The following PALM2AKAP2 variants were observed in gnomAD, a reference collection of about 807,000 sequenced individuals.
PALM2AKAP2 encodes PALM2-AKAP2 fusion protein.
In PALM2AKAP2, 37 loss-of-function variants were observed where a neutral mutation model predicts 71.5. The ratio of observed to expected loss-of-function variants is 0.52; its 90% CI spans 0.40 to 0.68. The LOEUF is 0.68. Among genes scored for constraint, PALM2AKAP2 ranks in the 30% least tolerant of loss-of-function variants. The probability of loss-of-function intolerance (pLI) is 0.00; values close to 1 mark genes in which losing one functional copy is unlikely to be tolerated. For synonymous variants in PALM2AKAP2, 468 were observed against 478.8 expected (o/e 0.98, Z 0.29); for missense variants, 1,224 against 1,191.8 (o/e 1.03, Z -0.40).
At chr9:110,098,400 A>G (rs1488410550) in intron 1 of PALM2AKAP2, among the ~76,000 whole-genome samples, 2 of 152,228 alleles carry the variant, frequency 1.3e-5, no homozygotes, top group African/African-American at 4.8e-5. Flanking sequence ...TTATTCAACA[A>G]AAACTACATA....
chr9:109,786,672 A>G (rs80103698), intron 1 of PALM2AKAP2, among the ~76,000 whole-genome samples: 2,365 of 152,328 alleles, frequency 0.016, 66 homozygotes, highest in African/African-American at 0.054. Context: ...CCCAGCATGC[A>G]TAAGGGTCAC....
At chr9:109,834,606 G>A (rs1554719021) in intron 1 of PALM2AKAP2, among the ~76,000 whole-genome samples, 1 of 152,122 alleles carries the variant, frequency 6.6e-6, no homozygotes, top group East Asian at 1.9e-4. Flanking sequence ...AGGGTCGGGG[G>A]TTGAGATGAA....
chr9:109,804,503 T>G (rs1402016387), intron 1 of PALM2AKAP2, among the ~76,000 whole-genome samples: 1 of 152,228 alleles, frequency 6.6e-6, no homozygotes, highest in Non-Finnish European at 1.5e-5. Context: ...CCCCTCATTT[T>G]TTGACAATCA....
intron 6 of PALM2AKAP2, among the ~76,000 whole-genome samples, chr9:110,000,603 G>A (rs1564253125): frequency 6.6e-6 from 1 of 152,118 alleles, no homozygotes; most frequent in Admixed American, 6.5e-5. Context: ...CTTCCACAAT[G>A]GTTGAACTAG....
At chr9:109,666,434 TGGAAGGGTATA>T (rs944461485) in intron 1 of PALM2AKAP2, among the ~76,000 whole-genome samples, 2 of 152,210 alleles carry the variant, frequency 1.3e-5, no homozygotes, top group Non-Finnish European at 2.9e-5. Flanking sequence ...TTTCATTAAA[TGGAAGGGTATA>T]GGAAGGGTAT....
At chr9:109,961,202 C>T (rs557345000) in intron 6 of PALM2AKAP2, among the ~76,000 whole-genome samples, 2 of 152,352 alleles carry the variant, frequency 1.3e-5, no homozygotes, top group East Asian at 3.9e-4. Flanking sequence ...CAGAAACTTA[C>T]TTTATAATCA....
At chr9:109,699,628 A>T (rs1032174596) in intron 1 of PALM2AKAP2, among the ~76,000 whole-genome samples, 1 of 152,216 alleles carries the variant, frequency 6.6e-6, no homozygotes, top group Non-Finnish European at 1.5e-5. Context: ...ATGACAACAC[A>T]GTAAGAACCC....
At chr9:110,154,269 A>G (rs770671454) in intron 2 of PALM2AKAP2, among the ~76,000 whole-genome samples, 1 of 152,232 alleles carries the variant, frequency 6.6e-6, no homozygotes, top group Non-Finnish European at 1.5e-5. Context: ...AAACTAAGAT[A>G]TCAAAAGAGT....
upstream of PALM2AKAP2, among the ~76,000 whole-genome samples, chr9:109,776,112 T>A (rs996819016): frequency 6.6e-6 from 1 of 152,116 alleles, no homozygotes; most frequent in African/African-American, 2.4e-5. Context: ...TAGACTACGA[T>A]TTTTTTTCTT....
At chr9:110,101,403 C>T (rs909490825) in intron 1 of PALM2AKAP2, among the ~76,000 whole-genome samples, 15 of 139,896 alleles carry the variant, frequency 1.1e-4, no homozygotes, top group Non-Finnish European at 2.3e-4. Context: ...ATCTCTCTCC[C>T]TCATTACTTT....
At chr9:110,117,646 A>T (rs72754989) in intron 1 of PALM2AKAP2, among the ~76,000 whole-genome samples, 1,873 of 152,292 alleles carry the variant, frequency 0.012, 27 homozygotes, top group South Asian at 0.065. Context: ...AGAAGGTCAG[A>T]GGGCAAAAGA....
chr9:110,134,280 TA>T (rs554794611), intron 1 of PALM2AKAP2, among the ~76,000 whole-genome samples: 130 of 143,972 alleles, frequency 9.0e-4, no homozygotes, highest in Admixed American at 1.3e-3. Context: ...GCCTGTCTCT[TA>T]AAAAAAAAAA....
intron 1 of PALM2AKAP2, among the ~76,000 whole-genome samples, chr9:109,819,894 T>C (rs886617101): frequency 2.0e-5 from 3 of 152,102 alleles, no homozygotes; most frequent in African/African-American, 7.2e-5. Flanking sequence ...AGTGAGAGCA[T>C]GAGCACAAAG....
chr9:109,800,122 C>T (rs1484282538), intron 1 of PALM2AKAP2, among the ~76,000 whole-genome samples: 2 of 152,198 alleles, frequency 1.3e-5, no homozygotes, highest in Non-Finnish European at 2.9e-5. Context: ...GATTGTTACC[C>T]AGCACCTCCC....
At chr9:110,039,655 C>T (rs1441831130) in intron 7 of PALM2AKAP2, among the ~76,000 whole-genome samples, 1 of 151,876 alleles carries the variant, frequency 6.6e-6, no homozygotes, top group African/African-American at 2.4e-5. Context: ...TGCCTTCACC[C>T]ATCCCAAGCA....
intron 1 of PALM2AKAP2, among the ~76,000 whole-genome samples, chr9:109,676,603 A>G (rs572365910): frequency 1.3e-5 from 2 of 152,294 alleles, no homozygotes; most frequent in African/African-American, 4.8e-5. Context: ...GATTTGGAAA[A>G]CATGTCATAG....
intron 7 of PALM2AKAP2, among the ~76,000 whole-genome samples, chr9:110,035,209 GTA>G (rs1310528946): frequency 2.9e-5 from 4 of 139,804 alleles, no homozygotes; most frequent in African/African-American, 1.1e-4. Flanking sequence ...GTGTGTGTGT[GTA>G]TATATATAAA....
At chr9:109,842,133 T>C (rs1828713064) in intron 1 of PALM2AKAP2, among the ~76,000 whole-genome samples, 1 of 152,140 alleles carries the variant, frequency 6.6e-6, no homozygotes, top group Non-Finnish European at 1.5e-5. Flanking sequence ...GGGAGGCCTT[T>C]ATCCACTTCC....
At chr9:109,867,646 G>T in intron 2 of PALM2AKAP2, 75 bp downstream of exon 2, 1 of 1,491,252 alleles carries the variant, frequency 6.7e-7, no homozygotes, top group Non-Finnish European at 8.9e-7. Flanking sequence ...GGCAGTGCCT[G>T]CCCTGCCGTG....
Sources: allele counts gnomAD v4.1 joint callset (sites outside exome capture counted in the v4.1 genomes callset), GRCh38; gene constraint gnomAD v4.1.1; transcripts MANE v1.5; gene names NCBI Gene and HGNC (gene_info 2026-07-23, HGNC 2026-07-21).